STXBP5L: variants seen among roughly 807,000 people sequenced by gnomAD.
STXBP5L encodes syntaxin-binding protein 5-like.
Under a neutral mutation model 144.5 loss-of-function variants are expected in STXBP5L, and 65 were observed. The observed-to-expected ratio is 0.45, with a 90% CI of 0.37 to 0.55. STXBP5L has a LOEUF of 0.55. Ranked by LOEUF, STXBP5L falls within the 20% of genes least tolerant of loss-of-function variation. STXBP5L has a pLI of 0.00. For missense variants in STXBP5L, 1,298 were observed against 1,405.5 expected (o/e 0.92, Z 1.22); for synonymous variants, 505 against 469.6 (o/e 1.08, Z -0.97).
rs6798699 is a variant in STXBP5L at position 121,422,361 on chromosome 3, A to G, written c.*3264A>G. The G allele has an allele frequency of 0.6, 91,634 of 152,022 alleles. 28,449 individuals carry two copies. Among genetic ancestry groups the G allele is most frequent in the East Asian group, 0.89 (4,595 of 5,172 alleles). The allele number at this position is 152,022 out of a possible 1,614,324, so 9.4% of individuals were successfully genotyped here. On this transcript the variant is annotated 3_prime_UTR_variant, in exon 27 of 27. Transcript: ENST00000471454. ...AAGGCTTGCAAACCACAGTCCCAACAAGTTGACCTTGTCTCCCTATGATTT... is the reference window on the plus strand; with the variant it reads ...AAGGCTTGCAAACCACAGTCCCAACGAGTTGACCTTGTCTCCCTATGATTT...
chr3:121,116,050 T>A (rs1473380156), intron 6 of STXBP5L, among the ~76,000 whole-genome samples: 1 of 152,086 alleles, frequency 6.6e-6, no homozygotes, highest in Non-Finnish European at 1.5e-5. Context: ...CAATTCAACA[T>A]GAGCTTTGGG....
At chr3:121,063,824 G>A (rs1328144862) in intron 5 of STXBP5L, among the ~76,000 whole-genome samples, 1 of 152,014 alleles carries the variant, frequency 6.6e-6, no homozygotes, top group African/African-American at 2.4e-5. Context: ...GCTGAGTAAT[G>A]GAGGACGCCC....
intron 20 of STXBP5L, among the ~76,000 whole-genome samples, chr3:121,377,381 T>G (rs138547940): frequency 0.036 from 5,461 of 152,264 alleles, 150 homozygotes; most frequent in Middle Eastern, 0.082. Flanking sequence ...AAAGAAACTA[T>G]TGTCAGAGTG....
intron 9 of STXBP5L, among the ~76,000 whole-genome samples, chr3:121,196,436 G>A (rs566332866): frequency 6.6e-6 from 1 of 151,958 alleles, no homozygotes; most frequent in Non-Finnish European, 1.5e-5. Flanking sequence ...ACCGCACCCG[G>A]CAATATTAAT....
intron 9 of STXBP5L, among the ~76,000 whole-genome samples, chr3:121,166,861 T>G (rs1312393739): frequency 6.6e-6 from 1 of 152,128 alleles, no homozygotes; most frequent in Admixed American, 6.5e-5. Context: ...AGTGAAATAA[T>G]AGCATATAAA....
At chr3:121,127,704 T>C (rs1248966001) in intron 7 of STXBP5L, among the ~76,000 whole-genome samples, 2 of 151,792 alleles carry the variant, frequency 1.3e-5, no homozygotes, top group African/African-American at 2.4e-5. Flanking sequence ...CATTCTGAGG[T>C]TCTGGGTGCA....
intron 3 of STXBP5L, among the ~76,000 whole-genome samples, chr3:120,960,846 A>G (rs1342128861): frequency 6.7e-6 from 1 of 149,772 alleles, no homozygotes; most frequent in Non-Finnish European, 1.5e-5. Flanking sequence ...CCAGCATGGC[A>G]CATGTATACA....
In STXBP5L at chr3:121,419,176, C is replaced by A; in HGVS notation, c.*79C>A. Reference sequence around the variant, plus strand: ...TATTCCCAGCATCACTACTCAACTGCTAGAAGCCAGTTTCTTCTACAAAAT... The same window carrying A: ...TATTCCCAGCATCACTACTCAACTGATAGAAGCCAGTTTCTTCTACAAAAT... On this transcript the variant is annotated 3_prime_UTR_variant, in exon 27 of 27. Transcript: ENST00000471454. The A allele has an allele frequency of 3.0e-6, 4 of 1,323,402 alleles. No homozygotes were observed. Among genetic ancestry groups the A allele is most frequent in the South Asian group, 1.3e-5 (1 of 74,110 alleles). 82.0% of individuals were successfully genotyped at this position (1,323,402 alleles called of 1,614,324 possible). A position where few individuals can be genotyped will look rare whatever the true frequency, so the allele number is the denominator to read the frequency against.
chr3:121,071,539 T>C (rs528343133), intron 5 of STXBP5L, among the ~76,000 whole-genome samples: 1 of 152,332 alleles, frequency 6.6e-6, no homozygotes, highest in East Asian at 1.9e-4. Context: ...GGATGGCAGC[T>C]GCTGCTGGTT....
At chr3:120,991,964 A>T (rs1054743924) in intron 3 of STXBP5L, among the ~76,000 whole-genome samples, 1 of 152,170 alleles carries the variant, frequency 6.6e-6, no homozygotes, top group African/African-American at 2.4e-5. Flanking sequence ...AGTATAATAA[A>T]AAAAATCCAT....
intron 5 of STXBP5L, among the ~76,000 whole-genome samples, chr3:121,104,461 C>G (rs2043589971): frequency 6.6e-6 from 1 of 152,202 alleles, no homozygotes; most frequent in Admixed American, 6.5e-5. Context: ...GCAAAAAGAA[C>G]AAATCTGGAG....
intron 3 of STXBP5L, among the ~76,000 whole-genome samples, chr3:121,028,283 CTTT>C (rs771469741): frequency 2.6e-5 from 4 of 151,956 alleles, no homozygotes; most frequent in African/African-American, 9.7e-5. Context: ...GAAATAATAA[CTTT>C]TTCAGGCTAT....
chr3:121,386,160 G>C (rs1420737964), intron 22 of STXBP5L, among the ~76,000 whole-genome samples: 1 of 151,950 alleles, frequency 6.6e-6, no homozygotes, highest in Non-Finnish European at 1.5e-5. Context: ...GACTGAACAA[G>C]AATAATAAAG....
intron 5 of STXBP5L, among the ~76,000 whole-genome samples, chr3:121,052,163 C>T (rs1316890092): frequency 6.6e-6 from 1 of 152,190 alleles, no homozygotes; most frequent in Non-Finnish European, 1.5e-5. Flanking sequence ...CAAGGAGGAG[C>T]TGGTACCATT....
At chr3:121,336,849 C>A (rs1267301487) in intron 20 of STXBP5L, among the ~76,000 whole-genome samples, 2 of 152,130 alleles carry the variant, frequency 1.3e-5, no homozygotes, top group Non-Finnish European at 2.9e-5. Flanking sequence ...TGGAATCAAC[C>A]TAAATGCCCA....
At chr3:121,347,565 C>T (rs911221079) in intron 20 of STXBP5L, among the ~76,000 whole-genome samples, 37 of 152,254 alleles carry the variant, frequency 2.4e-4, no homozygotes, top group African/African-American at 7.5e-4. Context: ...GCCATTTTCA[C>T]GATATTGATT....
intron 18 of STXBP5L, among the ~76,000 whole-genome samples, chr3:121,269,726 A>G (rs1305678614): frequency 6.6e-6 from 1 of 152,188 alleles, no homozygotes; most frequent in Non-Finnish European, 1.5e-5. Context: ...GAGGTTTTTT[A>G]TCTCTACTAC....
At chr3:121,222,906 T>C in intron 10 of STXBP5L, 97 bp from the exon 11 acceptor site, 5 of 1,357,136 alleles carry the variant, frequency 3.7e-6, no homozygotes. Context: ...TCATGTTATA[T>C]GGTATGCAAC....
intron 10 of STXBP5L, among the ~76,000 whole-genome samples, chr3:121,220,586 T>C: frequency 6.6e-6 from 1 of 152,122 alleles, no homozygotes. Flanking sequence ...GCTTGCCATA[T>C]GATTTCTCAG....
Sources: gnomAD v4.1 joint callset for allele counts (sites outside exome capture counted in the v4.1 genomes callset) on GRCh38, gnomAD v4.1.1 for gene constraint, MANE v1.5 for transcripts, NCBI Gene and HGNC (gene_info 2026-07-23, HGNC 2026-07-21) for gene names.